The following CSMD1 variants were observed in gnomAD, a reference collection of about 807,000 sequenced individuals.
CSMD1 encodes the protein CUB and Sushi multiple domains 1.
Under a neutral mutation model 417.5 loss-of-function variants are expected in CSMD1, and 213 were observed. The ratio of observed to expected loss-of-function variants is 0.51; its 90% CI spans 0.46 to 0.57. The LOEUF (loss-of-function observed/expected upper bound fraction) is 0.57, where lower values mean the gene tolerates loss of function less well. CSMD1 is among the 20% of genes least tolerant of loss of function. The pLI is 0.00. For missense variants in CSMD1, 6,923 were observed against 4,529.7 expected (o/e 1.53, Z -15.17); for synonymous variants, 2,862 against 1,736.8 (o/e 1.65, Z -16.11).
chr8:4,891,331 G>T (rs1804109997), intron 1 of CSMD1, among the ~76,000 whole-genome samples: 2 of 152,242 alleles, frequency 1.3e-5, no homozygotes, highest in South Asian at 4.1e-4. Context: ...TTACTTGAAA[G>T]ACTGAAGTTT....
intron 3 of CSMD1, among the ~76,000 whole-genome samples, chr8:4,396,582 C>T (rs866776974): frequency 1.3e-5 from 2 of 151,856 alleles, no homozygotes; most frequent in African/African-American, 2.4e-5. Context: ...AGCCTAAATG[C>T]CCATCAAGCA....
chr8:3,325,090 A>T (rs1480364962), intron 23 of CSMD1, among the ~76,000 whole-genome samples: 1 of 152,178 alleles, frequency 6.6e-6, no homozygotes, highest in South Asian at 2.1e-4. Flanking sequence ...ATTTTAGAAC[A>T]TTTTTTCTTT....
intron 3 of CSMD1, among the ~76,000 whole-genome samples, chr8:4,180,584 TA>T (rs1434764186): frequency 1.3e-5 from 2 of 150,406 alleles, no homozygotes; most frequent in Admixed American, 6.6e-5. Flanking sequence ...TAATAATAAT[TA>T]AAAAAAGAAA....
chr8:3,135,931 C>T (rs1455746536), intron 41 of CSMD1, among the ~76,000 whole-genome samples: 1 of 152,170 alleles, frequency 6.6e-6, no homozygotes, highest in East Asian at 1.9e-4. Context: ...ATGAAAATCA[C>T]AACAGGGGCA....
intron 5 of CSMD1, among the ~76,000 whole-genome samples, chr8:3,954,541 G>C (rs961200633): frequency 6.6e-6 from 1 of 151,970 alleles, no homozygotes; most frequent in Non-Finnish European, 1.5e-5. Flanking sequence ...TAATTTTTTT[G>C]TATTTTTAGT....
chr8:4,024,195 T>C (rs543367466), intron 4 of CSMD1, among the ~76,000 whole-genome samples: 3 of 152,114 alleles, frequency 2.0e-5, no homozygotes, highest in Admixed American at 2.0e-4. Flanking sequence ...ATATAACAGA[T>C]AGTAAGAAGA....
chr8:3,030,696 G>C (rs1475775091), intron 50 of CSMD1, among the ~76,000 whole-genome samples: 6 of 151,962 alleles, frequency 3.9e-5, no homozygotes, highest in Non-Finnish European at 1.5e-5. Context: ...CGTGGGCCAG[G>C]CTGCTCTTGA....
chr8:3,899,264 G>C (rs1027482807), intron 5 of CSMD1, among the ~76,000 whole-genome samples: 1 of 152,164 alleles, frequency 6.6e-6, no homozygotes, highest in Non-Finnish European at 1.5e-5. Context: ...CAAGGGAAAG[G>C]AGCTCCCCGC....
At chr8:3,651,245 C>T (rs1041405702) in intron 7 of CSMD1, among the ~76,000 whole-genome samples, 1 of 152,170 alleles carries the variant, frequency 6.6e-6, no homozygotes, top group African/African-American at 2.4e-5. Context: ...TCGTATCACC[C>T]CTTTGGTTGA....
intron 2 of CSMD1, among the ~76,000 whole-genome samples, chr8:4,534,807 G>C (rs1159722490): frequency 6.6e-6 from 1 of 152,102 alleles, no homozygotes; most frequent in African/African-American, 2.4e-5. Flanking sequence ...CCGTTGCCCA[G>C]GCTGGAGTGC....
At chr8:4,409,961 C>T (rs528894654) in intron 3 of CSMD1, among the ~76,000 whole-genome samples, 2 of 152,088 alleles carry the variant, frequency 1.3e-5, no homozygotes, top group African/African-American at 4.8e-5. Flanking sequence ...TTACAGGCAC[C>T]CGCCACTACG....
At chr8:4,920,958 G>GA (rs1162502156) in intron 1 of CSMD1, among the ~76,000 whole-genome samples, 1 of 13,662 alleles carries the variant, frequency 7.3e-5, no homozygotes. Context: ...AAGAAAGAAA[G>GA]AAAGAAAGAA....
chr8:3,754,569 C>T (rs1478593461), intron 5 of CSMD1, among the ~76,000 whole-genome samples: 1 of 152,092 alleles, frequency 6.6e-6, no homozygotes, highest in Non-Finnish European at 1.5e-5. Context: ...ATTCTCCTCC[C>T]ACAGCCTCCT....
intron 3 of CSMD1, among the ~76,000 whole-genome samples, chr8:4,307,067 C>T (rs2128876740): frequency 6.6e-6 from 1 of 152,228 alleles, no homozygotes; most frequent in Non-Finnish European, 1.5e-5. Flanking sequence ...CATCACAACC[C>T]TGCTCCCACT....
At chr8:3,342,309 T>C (rs919551411) in intron 23 of CSMD1, among the ~76,000 whole-genome samples, 2 of 152,192 alleles carry the variant, frequency 1.3e-5, no homozygotes, top group Non-Finnish European at 2.9e-5. Flanking sequence ...GATTATTATC[T>C]TTTGCAGGAC....
chr8:4,170,892 C>T (rs1450391542), intron 3 of CSMD1, among the ~76,000 whole-genome samples: 2 of 151,906 alleles, frequency 1.3e-5, no homozygotes, highest in African/African-American at 4.9e-5. Context: ...AAAGTGCATT[C>T]AAATCACTTT....
At chr8:3,247,310 T>C (rs17063092) in intron 26 of CSMD1, among the ~76,000 whole-genome samples, 40,420 of 152,082 alleles carry the variant, frequency 0.27, 5,545 homozygotes, top group Admixed American at 0.28. Flanking sequence ...GAAATTCTGC[T>C]ACCTGGACGC....
intron 3 of CSMD1, among the ~76,000 whole-genome samples, chr8:4,310,977 G>T (rs191911447): frequency 6.6e-6 from 1 of 152,176 alleles, no homozygotes; most frequent in African/African-American, 2.4e-5. Flanking sequence ...AGTCGGAATG[G>T]CTACTGAAAA....
At chr8:4,744,698 A>C (rs1810838977) in intron 1 of CSMD1, among the ~76,000 whole-genome samples, 3 of 152,184 alleles carry the variant, frequency 2.0e-5, no homozygotes, top group Admixed American at 1.3e-4. Context: ...ATTTTACATA[A>C]TGCTTTTCTC....
Sources: allele counts gnomAD v4.1 joint callset (sites outside exome capture counted in the v4.1 genomes callset), GRCh38; gene constraint gnomAD v4.1.1; transcripts MANE v1.5; gene names NCBI Gene and HGNC (gene_info 2026-07-23, HGNC 2026-07-21).